NAV3: variants seen among roughly 807,000 people sequenced by gnomAD.
NAV3 encodes the protein pore membrane and/or filament interacting like protein 1.
A neutral mutation model predicts 244.7 loss-of-function variants in NAV3; 87 were observed. The observed-to-expected ratio is 0.36, with a 90% CI of 0.30 to 0.42. The LOEUF is 0.42. Among genes scored for constraint, NAV3 ranks in the 20% least tolerant of loss-of-function variants. NAV3 has a pLI of 1.00. For missense variants in NAV3, 2,663 were observed against 2,893.3 expected, an observed-to-expected ratio of 0.92 and a Z score of 1.83; for synonymous variants, 1,126 against 1,042.2, an observed-to-expected ratio of 1.08 and a Z score of -1.55.
At chr12:77,849,589 A>G (rs1028994635) in intron 1 of NAV3, among the ~76,000 whole-genome samples, 3 of 152,190 alleles carry the variant, frequency 2.0e-5, no homozygotes, top group Admixed American at 6.5e-5. Flanking sequence ...CTAAACGTAG[A>G]GTGTATATGA....
At chr12:78,075,372 T>C (rs1403055376) in intron 12 of NAV3, among the ~76,000 whole-genome samples, 2 of 152,176 alleles carry the variant, frequency 1.3e-5, no homozygotes, top group Non-Finnish European at 2.9e-5. Flanking sequence ...ACAAGAATAG[T>C]TCTCTTTAGA....
chr12:77,696,660 C>T (rs1169859539), intron 2 of NAV3, among the ~76,000 whole-genome samples: 1 of 152,138 alleles, frequency 6.6e-6, no homozygotes, highest in Non-Finnish European at 1.5e-5. Context: ...CCACATATAA[C>T]TAATATACCA....
intron 9 of NAV3, chr12:78,036,802 C>A: frequency 1.6e-6 from 1 of 616,852 alleles, no homozygotes; most frequent in Non-Finnish European, 2.9e-6. Flanking sequence ...GGATCAGTTA[C>A]AATCACAGTG....
intron 2 of NAV3, among the ~76,000 whole-genome samples, chr12:77,792,462 G>A (rs1425458227): frequency 2.0e-5 from 3 of 152,134 alleles, no homozygotes; most frequent in African/African-American, 7.2e-5. Flanking sequence ...CAGACCACAA[G>A]CTACAGGGAG....
chr12:77,868,528 G>T (rs1880430152), intron 1 of NAV3, among the ~76,000 whole-genome samples: 1 of 151,972 alleles, frequency 6.6e-6, no homozygotes, highest in African/African-American at 2.4e-5. Flanking sequence ...GTCTGAGGCA[G>T]GTGGATCACC....
intron 2 of NAV3, among the ~76,000 whole-genome samples, chr12:77,687,440 C>T (rs752820678): frequency 6.6e-5 from 10 of 152,112 alleles, no homozygotes; most frequent in African/African-American, 9.7e-5. Context: ...TTTTCCTCCT[C>T]TGGGTCCATC....
intron 9 of NAV3, among the ~76,000 whole-genome samples, chr12:78,043,703 AT>A (rs1881272942): frequency 6.6e-6 from 1 of 152,074 alleles, no homozygotes; most frequent in Admixed American, 6.5e-5. Context: ...GCTTTCTTTC[AT>A]ATGTTTGTTG....
At chr12:77,886,771 C>T (rs118160893) in intron 1 of NAV3, among the ~76,000 whole-genome samples, 370 of 152,130 alleles carry the variant, frequency 2.4e-3, no homozygotes, top group Non-Finnish European at 3.5e-3. Context: ...TAGAACAGTG[C>T]CTATCAATAA....
intron 23 of NAV3, among the ~76,000 whole-genome samples, chr12:78,168,425 G>C (rs1490045586): frequency 6.6e-6 from 1 of 151,778 alleles, no homozygotes; most frequent in Non-Finnish European, 1.5e-5. Context: ...GGTAATATTA[G>C]TAAGTGTGTT....
intron 12 of NAV3, among the ~76,000 whole-genome samples, chr12:78,101,733 G>A (rs955451669): frequency 3.3e-5 from 5 of 152,090 alleles, no homozygotes; most frequent in Non-Finnish European, 7.4e-5. Context: ...GACAGGTAAT[G>A]CACTGTGTTT....
At chr12:77,706,721 A>AT (rs1263875803) in intron 2 of NAV3, among the ~76,000 whole-genome samples, 2 of 150,312 alleles carry the variant, frequency 1.3e-5, no homozygotes, top group Non-Finnish European at 3.0e-5. Context: ...ATACAAAAAA[A>AT]TTAGCAGGGC....
intron 2 of NAV3, among the ~76,000 whole-genome samples, chr12:77,603,036 C>G (rs115904094): frequency 1.4e-4 from 22 of 152,158 alleles, no homozygotes; most frequent in African/African-American, 4.8e-4. Flanking sequence ...GCTATCTTGA[C>G]ATTACCTTTT....
chr12:77,830,754 T>C (rs935203127), upstream of NAV3, among the ~76,000 whole-genome samples: 1 of 152,228 alleles, frequency 6.6e-6, no homozygotes, highest in Non-Finnish European at 1.5e-5. Flanking sequence ...CAAACAACTT[T>C]ATTGCTGAGA....
intron 2 of NAV3, among the ~76,000 whole-genome samples, chr12:77,779,807 C>T (rs887510303): frequency 6.6e-6 from 1 of 152,106 alleles, no homozygotes; most frequent in African/African-American, 2.4e-5. Flanking sequence ...GCAGGAGAGG[C>T]CTGGGTTGTC....
intron 12 of NAV3, among the ~76,000 whole-genome samples, chr12:78,070,067 C>A (rs917461619): frequency 1.3e-5 from 2 of 151,998 alleles, no homozygotes; most frequent in East Asian, 1.9e-4. Context: ...TTTTACAGAA[C>A]AAAACTCTAT....
intron 2 of NAV3, among the ~76,000 whole-genome samples, chr12:77,589,964 G>GT (rs1421865453): frequency 1.3e-5 from 2 of 152,184 alleles, no homozygotes; most frequent in African/African-American, 4.8e-5. Flanking sequence ...TTCCCATAGG[G>GT]TTTTTTGAGA....
At chr12:78,055,863 G>T (rs574848552) in intron 11 of NAV3, among the ~76,000 whole-genome samples, 64 of 152,126 alleles carry the variant, frequency 4.2e-4, no homozygotes, top group Non-Finnish European at 7.9e-4. Flanking sequence ...ATGACATCTG[G>T]CTAGTCTCTG....
chr12:78,122,740 G>A (rs1015737298), intron 16 of NAV3, among the ~76,000 whole-genome samples: 2 of 152,012 alleles, frequency 1.3e-5, no homozygotes, highest in Admixed American at 1.3e-4. Flanking sequence ...TAATGATTTG[G>A]CTTAAGCTTC....
chr12:77,714,149 T>A (rs146945824), intron 2 of NAV3, among the ~76,000 whole-genome samples: 142 of 152,208 alleles, frequency 9.3e-4, no homozygotes, highest in African/African-American at 3.3e-3. Flanking sequence ...ATAGGCTCTG[T>A]TTCTCAAAAT....
Sources: gnomAD v4.1 joint callset for allele counts (sites outside exome capture counted in the v4.1 genomes callset) on GRCh38, gnomAD v4.1.1 for gene constraint, MANE v1.5 for transcripts, NCBI Gene and HGNC (gene_info 2026-07-23, HGNC 2026-07-21) for gene names.